The following KAZN variants were observed in gnomAD, a reference collection of about 807,000 sequenced individuals.
The protein encoded by KAZN is kazrin.
In KAZN, 40 loss-of-function variants were observed where a neutral mutation model predicts 87.4. The ratio of observed to expected loss-of-function variants is 0.46; its 90% CI spans 0.36 to 0.60. The LOEUF is 0.60. Ranked by LOEUF, KAZN falls within the 20% of genes least tolerant of loss-of-function variation. The pLI, the probability that KAZN is intolerant of heterozygous loss-of-function variation, is 0.00. For missense variants in KAZN, 898 were observed against 1,073.9 expected, an observed-to-expected ratio of 0.84 and a Z score of 2.29; for synonymous variants, 466 against 458.3, an observed-to-expected ratio of 1.02 and a Z score of -0.22.
chr1:13,896,283 G>T (rs545128149), intron 1 of KAZN, among the ~76,000 whole-genome samples: 116 of 151,914 alleles, frequency 7.6e-4, no homozygotes, highest in African/African-American at 2.5e-3. Flanking sequence ...ATACGAATGG[G>T]CATGGCTGTG....
chr1:15,075,485 C>T (rs1380035003), intron 8 of KAZN, among the ~76,000 whole-genome samples: 1 of 152,194 alleles, frequency 6.6e-6, no homozygotes, highest in Non-Finnish European at 1.5e-5. Context: ...GGATCACCGA[C>T]TGGAAACTAT....
intron 2 of KAZN, among the ~76,000 whole-genome samples, chr1:14,368,515 A>G (rs959734672): frequency 2.0e-5 from 3 of 152,230 alleles, no homozygotes; most frequent in East Asian, 3.9e-4. Flanking sequence ...CAATTTACAC[A>G]TAACTGAAGC....
At chr1:14,466,820 T>A (rs1196753883) in intron 2 of KAZN, among the ~76,000 whole-genome samples, 5 of 151,994 alleles carry the variant, frequency 3.3e-5, no homozygotes, top group Admixed American at 1.3e-4. Context: ...TACAAAAAAA[T>A]TAGCCTGTTG....
At chr1:14,924,585 G>C in intron 1 of KAZN, 1 of 957,594 alleles carries the variant, frequency 1.0e-6, no homozygotes, top group South Asian at 4.5e-5. Context: ...AGGTGCGCGC[G>C]GGGCGGGGCG....
chr1:14,365,193 G>A (rs1249716925), intron 2 of KAZN, among the ~76,000 whole-genome samples: 3 of 151,950 alleles, frequency 2.0e-5, no homozygotes, highest in South Asian at 4.2e-4. Flanking sequence ...ACAAGTGCCC[G>A]CCACCATGCC....
At position 14,039,567 on chromosome 1, in the gene KAZN, G is replaced by A. The variant is rs565084314; in HGVS notation, c.92-140868G>A. On this transcript the variant is annotated intron_variant, in intron 1 of 16. Transcript: ENST00000636203. ...TGAAGGTCACGGTAGAGCTTGGCAG[G>A]GCTGAGCATGGTTAATAGATTTGAT... Among the ~76,000 whole-genome samples, 7 of 152,250 alleles carry A rather than the reference G, an allele frequency of 4.6e-5. No individual in the cohort carries two copies. The South Asian group carries it at 1.2e-3, about 27-fold the overall frequency.
chr1:14,992,197 A>T (rs16851107), intron 2 of KAZN, among the ~76,000 whole-genome samples: 3,776 of 152,134 alleles, frequency 0.025, 176 homozygotes, highest in African/African-American at 0.083. Context: ...ACATGTCCCT[A>T]CCCGTGAGTG....
chr1:14,615,085 G>T (rs1678122318), intron 1 of KAZN, among the ~76,000 whole-genome samples: 1 of 152,202 alleles, frequency 6.6e-6, no homozygotes, highest in African/African-American at 2.4e-5. Flanking sequence ...ATGTTCACAA[G>T]TCTCCAGTAT....
chr1:14,652,664 C>T (rs111308113), intron 1 of KAZN, among the ~76,000 whole-genome samples: 16 of 53,076 alleles, frequency 3.0e-4, no homozygotes, highest in East Asian at 1.4e-3. Context: ...CACCCACCCA[C>T]CCACCCATCC....
chr1:15,018,041 C>T (rs1398705603), intron 2 of KAZN, among the ~76,000 whole-genome samples: 1 of 152,160 alleles, frequency 6.6e-6, no homozygotes, highest in East Asian at 1.9e-4. Flanking sequence ...CCCTGGCTTC[C>T]CCCCAGCCTG....
chr1:14,354,437 A>C (rs548929185), intron 2 of KAZN, among the ~76,000 whole-genome samples: 42 of 152,324 alleles, frequency 2.8e-4, no homozygotes, highest in Admixed American at 7.2e-4. Context: ...TGTATTCAGA[A>C]TATGTAAAAA....
intron 2 of KAZN, among the ~76,000 whole-genome samples, chr1:14,477,901 G>T (rs768795427): frequency 6.6e-6 from 1 of 152,170 alleles, no homozygotes; most frequent in African/African-American, 2.4e-5. Context: ...CTCCCATGGA[G>T]TACTTTGAGG....
chr1:14,650,406 T>G (rs1250163167), intron 1 of KAZN, among the ~76,000 whole-genome samples: 1 of 152,006 alleles, frequency 6.6e-6, no homozygotes, highest in Non-Finnish European at 1.5e-5. Context: ...AATTAAAAAA[T>G]TAGCCAGGCA....
At chr1:14,005,277 G>T (rs1034452122) in intron 1 of KAZN, among the ~76,000 whole-genome samples, 12 of 152,166 alleles carry the variant, frequency 7.9e-5, no homozygotes, top group Non-Finnish European at 1.8e-4. Flanking sequence ...CAAGCTGATG[G>T]CCGCAGAGAA....
At chr1:14,119,294 T>C (rs1222506765) in intron 1 of KAZN, among the ~76,000 whole-genome samples, 4 of 150,466 alleles carry the variant, frequency 2.7e-5, no homozygotes, top group Admixed American at 6.6e-5. Flanking sequence ...CGTAGACTTT[T>C]ATCGGGACTC....
At chr1:15,050,208 T>C (rs527873711) in intron 4 of KAZN, among the ~76,000 whole-genome samples, 1 of 150,412 alleles carries the variant, frequency 6.6e-6, no homozygotes, top group South Asian at 2.1e-4. Flanking sequence ...TAGAATAGAA[T>C]AGAATAGAAT....
chr1:14,434,053 C>A (rs1160961277), intron 2 of KAZN, among the ~76,000 whole-genome samples: 1 of 151,440 alleles, frequency 6.6e-6, no homozygotes, highest in African/African-American at 2.4e-5. Context: ...TGGAACATAA[C>A]TTGATGTTTA....
At chr1:14,894,768 C>A (rs1655084352) in intron 1 of KAZN, among the ~76,000 whole-genome samples, 1 of 152,262 alleles carries the variant, frequency 6.6e-6, no homozygotes, top group African/African-American at 2.4e-5. Flanking sequence ...ATGAATGAAT[C>A]TCCTTGCAGA....
At chr1:14,412,025 C>T (rs1473343021) in intron 2 of KAZN, among the ~76,000 whole-genome samples, 2 of 152,182 alleles carry the variant, frequency 1.3e-5, no homozygotes, top group Non-Finnish European at 2.9e-5. Flanking sequence ...CGGCATTCTC[C>T]CGTTTCACTG....
Sources: allele counts gnomAD v4.1 joint callset (sites outside exome capture counted in the v4.1 genomes callset), GRCh38; gene constraint gnomAD v4.1.1; transcripts MANE v1.5; gene names NCBI Gene and HGNC (gene_info 2026-07-23, HGNC 2026-07-21).